The following FREM2 variants were observed in gnomAD, a reference collection of about 807,000 sequenced individuals.
The protein encoded by FREM2 is FRAS1-related extracellular matrix protein 2.
In FREM2, 119 loss-of-function variants were observed where a neutral mutation model predicts 219.9. That is an observed-to-expected ratio of 0.54 (90% CI 0.47 to 0.63). The LOEUF (loss-of-function observed/expected upper bound fraction) is 0.63. Ranked by LOEUF, FREM2 falls within the 30% of genes least tolerant of loss-of-function variation. The pLI is 0.00. For synonymous variants in FREM2, 1,562 were observed against 1,522.8 expected (o/e 1.03, Z -0.60); for missense variants, 4,030 against 3,993.6 (o/e 1.01, Z -0.25).
At chr13:38,846,803 A>G in intron 7 of FREM2, 81 bp downstream of exon 7, 1 of 1,471,254 alleles carries the variant, frequency 6.8e-7, no homozygotes, top group East Asian at 2.3e-5. Context: ...AAGCTGAAAT[A>G]CTTCACTTCT....
rs777283262 is a variant in FREM2 at position 38,687,339 on chromosome 13, G to A, written c.-6G>A. On this transcript the variant is annotated 5_prime_UTR_variant, in exon 1 of 24. Transcript: ENST00000280481. ...GCTGACCTGTCCAAGCCCGAACACC[G>A]GGACCATGCACTCAGCCGGGACTCC... is the stretch of plus-strand genomic sequence containing the variant. 2.5e-6 allele frequency: 4 copies of A among 1,598,002 alleles called. No individual in the cohort carries two copies. Among genetic ancestry groups the A allele is most frequent in the Non-Finnish European group, 2.6e-6 (3 of 1,172,708 alleles).
chr13:38,878,447 G>A (rs1211743622), intron 22 of FREM2, 126 bp downstream of exon 22: 7 of 644,342 alleles, frequency 1.1e-5, no homozygotes, highest in Non-Finnish European at 1.9e-5. Context: ...GGAGGCCAAG[G>A]TAGAAGGATC....
At chr13:38,759,515 T>A (rs1419348722) in intron 2 of FREM2, among the ~76,000 whole-genome samples, 2 of 151,368 alleles carry the variant, frequency 1.3e-5, no homozygotes, top group African/African-American at 4.9e-5. Flanking sequence ...ACCAGCTGGA[T>A]AAGTTCAAAA....
chr13:38,813,001 A>G (rs1214080263), intron 6 of FREM2, among the ~76,000 whole-genome samples: 1 of 149,070 alleles, frequency 6.7e-6, no homozygotes, highest in East Asian at 1.9e-4. Context: ...GTTTCTTTTT[A>G]TTTCTTACTG....
chr13:38,748,123 TA>T (rs1221442539), intron 2 of FREM2, among the ~76,000 whole-genome samples: 4 of 151,762 alleles, frequency 2.6e-5, no homozygotes, highest in Non-Finnish European at 4.4e-5. Flanking sequence ...TTTGACTAAT[TA>T]AAAAAAAGGG....
chr13:38,740,084 A>G (rs1872178033), intron 2 of FREM2, among the ~76,000 whole-genome samples: 1 of 4,162 alleles, frequency 2.4e-4, no homozygotes, highest in Non-Finnish European at 1.9e-3. Flanking sequence ...ATATTTTACA[A>G]GAACTTTTCA....
intron 19 of FREM2, 46 bp downstream of exon 19, chr13:38,876,195 C>T: frequency 6.2e-7 from 1 of 1,614,076 alleles, no homozygotes; most frequent in Non-Finnish European, 8.5e-7. Context: ...CTGCTGCCAT[C>T]TGATTACACC....
At chr13:38,822,161 CAAG>C (rs1168481473) in intron 6 of FREM2, 1 of 151,870 alleles carries the variant, frequency 6.6e-6, no homozygotes, top group African/African-American at 2.4e-5. Flanking sequence ...TTTTAAAAAG[CAAG>C]AATATAGGTA....
intron 4 of FREM2, among the ~76,000 whole-genome samples, chr13:38,770,383 A>G (rs1873615215): frequency 6.6e-6 from 1 of 151,812 alleles, no homozygotes; most frequent in Non-Finnish European, 1.5e-5. Context: ...TTCCAAGTAA[A>G]TGAACTACCC....
At chr13:38,752,125 A>T (rs1355127905) in intron 2 of FREM2, among the ~76,000 whole-genome samples, 1 of 152,204 alleles carries the variant, frequency 6.6e-6, no homozygotes, top group Non-Finnish European at 1.5e-5. Flanking sequence ...CAAGTGTATG[A>T]CATTGATGCT....
At chr13:38,781,896 G>T (rs142479493) in intron 4 of FREM2, among the ~76,000 whole-genome samples, 1 of 152,226 alleles carries the variant, frequency 6.6e-6, no homozygotes, top group African/African-American at 2.4e-5. Context: ...CCTTCCACAG[G>T]CACTCTAACC....
intron 2 of FREM2, among the ~76,000 whole-genome samples, chr13:38,707,600 A>G (rs1431547595): frequency 6.6e-6 from 1 of 152,138 alleles, no homozygotes; most frequent in Non-Finnish European, 1.5e-5. Context: ...GTAATGTGCC[A>G]CCTGCTACCT....
intron 4 of FREM2, among the ~76,000 whole-genome samples, chr13:38,773,762 A>T (rs538032225): frequency 6.6e-6 from 1 of 152,016 alleles, no homozygotes; most frequent in Non-Finnish European, 1.5e-5. Flanking sequence ...GAAAGTTCCA[A>T]CTGGGAAGGG....
intron 2 of FREM2, among the ~76,000 whole-genome samples, chr13:38,751,760 G>A (rs572348625): frequency 6.6e-6 from 1 of 151,602 alleles, no homozygotes; most frequent in East Asian, 1.9e-4. Flanking sequence ...CATGGACCTC[G>A]TTCCAAAATA....
chr13:38,759,375 C>T (rs1394434352), intron 2 of FREM2, among the ~76,000 whole-genome samples: 1 of 147,548 alleles, frequency 6.8e-6, no homozygotes, highest in East Asian at 2.1e-4. Context: ...AGATTAAATG[C>T]TTTGTCTTTA....
rs549125292 is a variant in FREM2, at chr13:38,882,438, A to G, written c.*1651A>G. On this transcript the variant is annotated 3_prime_UTR_variant, in exon 24 of 24. Coordinates refer to ENST00000280481, the MANE Select transcript of FREM2 (RefSeq NM_207361.6). The stretch of plus-strand genomic sequence containing the variant: ...AAGTATCAACCATTTCTTGATCAAG[A>G]TAAGGAAGCAACACTGATACTGAGA... 6.6e-6 allele frequency: 1 copy of G among 152,178 alleles called. No homozygotes were observed. Among genetic ancestry groups the G allele is most frequent in the Non-Finnish European group, 1.5e-5 (1 of 68,028 alleles). The allele number at this position is 152,178 out of a possible 1,614,324, so 9.4% of individuals were successfully genotyped here.
intron 6 of FREM2, among the ~76,000 whole-genome samples, chr13:38,843,153 G>A (rs1044561738): frequency 7.9e-5 from 12 of 152,170 alleles, no homozygotes; most frequent in African/African-American, 2.9e-4. Flanking sequence ...GTGGAGTGAT[G>A]AGCAAGGACT....
chr13:38,851,198 C>T lies in FREM2; in HGVS notation c.6742+90C>T, dbSNP rs1877357755. ...TTTAAGTGACTCAGAAAAATGCCCC[C>T]ACCTCCTCTGCTTTATGACTAGGGT... On this transcript the variant is annotated intron_variant, in intron 10 of 23. Transcript: ENST00000280481. 5 of 1,276,606 alleles carry T rather than the reference C, an allele frequency of 3.9e-6. No individual in the cohort carries two copies. The Admixed American group carries it at 5.4e-5, about 14-fold the overall frequency. The allele number at this position is 1,276,606 out of a possible 1,614,324, so 79.1% of individuals were successfully genotyped here. A position where few individuals can be genotyped will look rare whatever the true frequency, so the allele number is the denominator to read the frequency against.
chr13:38,755,989 G>T (rs1872982539), intron 2 of FREM2, among the ~76,000 whole-genome samples: 1 of 152,166 alleles, frequency 6.6e-6, no homozygotes, highest in Admixed American at 6.5e-5. Flanking sequence ...CATGGCCAGG[G>T]ACAGATGGCT....
Sources: allele counts gnomAD v4.1 joint callset (sites outside exome capture counted in the v4.1 genomes callset), GRCh38; gene constraint gnomAD v4.1.1; transcripts MANE v1.5; gene names NCBI Gene and HGNC (gene_info 2026-07-23, HGNC 2026-07-21).